The following FGGY variants were observed in gnomAD, a reference collection of about 807,000 sequenced individuals.
The protein encoded by FGGY is FGGY carbohydrate kinase domain-containing protein.
Under a neutral mutation model 71.3 loss-of-function variants are expected in FGGY, and 72 were observed. The ratio of observed to expected loss-of-function variants is 1.01; its 90% confidence interval spans 0.84 to 1.23. The LOEUF (loss-of-function observed/expected upper bound fraction) is 1.23, where lower values mean the gene tolerates loss of function less well. Ranked by LOEUF, FGGY falls within the 50% of genes most tolerant of loss-of-function variation. The pLI is 0.00. For synonymous variants in FGGY, 251 were observed against 250.3 expected (o/e 1.00, Z -0.02); for missense variants, 668 against 682.3 (o/e 0.98, Z 0.23).
chr1:59,673,802 T>G, intron 13 of FGGY: 1 of 446,838 alleles, frequency 2.2e-6, no homozygotes, highest in Non-Finnish European at 4.1e-6. Flanking sequence ...TCTCGTGAGT[T>G]GATATATATG....
At chr1:59,399,290 A>T (rs2061666888) in intron 5 of FGGY, among the ~76,000 whole-genome samples, 1 of 152,222 alleles carries the variant, frequency 6.6e-6, no homozygotes, top group African/African-American at 2.4e-5. Context: ...GTCTTGGGCA[A>T]TAACAGTAAC....
chr1:59,348,382 ATC>A (rs2052552058), intron 4 of FGGY, among the ~76,000 whole-genome samples: 1 of 152,148 alleles, frequency 6.6e-6, no homozygotes, highest in Non-Finnish European at 1.5e-5. Context: ...TGATATGGCA[ATC>A]TCTGGTCAAA....
intron 14 of FGGY, among the ~76,000 whole-genome samples, chr1:59,679,645 G>T (rs1237895449): frequency 6.7e-6 from 1 of 150,112 alleles, no homozygotes; most frequent in Admixed American, 6.6e-5. Flanking sequence ...TTAATATTAT[G>T]GTTTCTATTC....
chr1:59,381,914 A>C (rs958784864), intron 5 of FGGY, among the ~76,000 whole-genome samples: 1 of 152,192 alleles, frequency 6.6e-6, no homozygotes, highest in Non-Finnish European at 1.5e-5. Flanking sequence ...TGTGGCTACT[A>C]TAATTAACAG....
intron 4 of FGGY, 128 bp from the exon 5 acceptor site, chr1:59,378,621 G>A: frequency 2.9e-6 from 2 of 686,170 alleles, no homozygotes; most frequent in Non-Finnish European, 4.9e-6. Context: ...CCCCCACCAA[G>A]CTCCTGAACA....
chr1:59,531,160 T>A (rs1002254348), intron 7 of FGGY, among the ~76,000 whole-genome samples: 1 of 152,190 alleles, frequency 6.6e-6, no homozygotes, highest in Non-Finnish European at 1.5e-5. Flanking sequence ...TCAGGAGGAT[T>A]GAGTGTAAGT....
intron 9 of FGGY, among the ~76,000 whole-genome samples, chr1:59,609,089 C>G (rs2096650849): frequency 6.6e-6 from 1 of 152,146 alleles, no homozygotes; most frequent in South Asian, 2.1e-4. Context: ...AAGGACAAAC[C>G]AGGTAAAGAA....
intron 4 of FGGY, among the ~76,000 whole-genome samples, chr1:59,352,715 T>C (rs1336318583): frequency 1.3e-5 from 2 of 152,176 alleles, no homozygotes; most frequent in African/African-American, 4.8e-5. Context: ...CTGCTGCAGG[T>C]CAGGGAAGCT....
At chr1:59,573,127 A>G (rs1226392788) in intron 8 of FGGY, among the ~76,000 whole-genome samples, 1 of 152,196 alleles carries the variant, frequency 6.6e-6, no homozygotes, top group Non-Finnish European at 1.5e-5. Context: ...AAGAAAAACT[A>G]CAGGAAGATC....
At chr1:59,357,997 CT>C (rs1430410023) in intron 4 of FGGY, among the ~76,000 whole-genome samples, 1 of 152,188 alleles carries the variant, frequency 6.6e-6, no homozygotes, top group Non-Finnish European at 1.5e-5. Flanking sequence ...GAACAAAATT[CT>C]TTTCTCATAG....
At chr1:59,396,568 C>T (rs2061349989) in intron 5 of FGGY, among the ~76,000 whole-genome samples, 1 of 152,092 alleles carries the variant, frequency 6.6e-6, no homozygotes. Context: ...AGTGGGGAAT[C>T]AAAGTTTGAT....
At chr1:59,571,342 C>T (rs1365511006) in intron 8 of FGGY, among the ~76,000 whole-genome samples, 2 of 152,192 alleles carry the variant, frequency 1.3e-5, no homozygotes, top group East Asian at 3.8e-4. Flanking sequence ...TTAGAGCATT[C>T]ACTCTGTGCC....
At chr1:59,705,365 A>G (rs576439751) in intron 14 of FGGY, among the ~76,000 whole-genome samples, 33 of 152,232 alleles carry the variant, frequency 2.2e-4, no homozygotes, top group Non-Finnish European at 4.1e-4. Context: ...AATGTTTTAG[A>G]CTTTTATGTG....
intron 4 of FGGY, among the ~76,000 whole-genome samples, chr1:59,361,797 G>A (rs2055576502): frequency 6.6e-6 from 1 of 152,104 alleles, no homozygotes; most frequent in Admixed American, 6.5e-5. Context: ...GTCCTCACTG[G>A]GCAGACAGAG....
intron 14 of FGGY, among the ~76,000 whole-genome samples, chr1:59,695,193 C>G (rs183164533): frequency 6.6e-6 from 1 of 152,318 alleles, no homozygotes; most frequent in East Asian, 1.9e-4. Flanking sequence ...AGTATATTCT[C>G]TACCCTCTCA....
chr1:59,556,202 G>A (rs1304553450), intron 8 of FGGY, among the ~76,000 whole-genome samples: 1 of 152,134 alleles, frequency 6.6e-6, no homozygotes, highest in Non-Finnish European at 1.5e-5. Flanking sequence ...ATTTAATCCT[G>A]TTTAAATTAT....
At chr1:59,600,575 A>G (rs2153808522) in intron 8 of FGGY, among the ~76,000 whole-genome samples, 1 of 152,332 alleles carries the variant, frequency 6.6e-6, no homozygotes, top group South Asian at 2.1e-4. Context: ...CTGGACCTGC[A>G]CCCAGCTCTT....
chr1:59,398,556 A>G (rs1430515839), intron 5 of FGGY, among the ~76,000 whole-genome samples: 2 of 152,136 alleles, frequency 1.3e-5, no homozygotes, highest in Non-Finnish European at 2.9e-5. Context: ...GTATTTTTAA[A>G]AAGTGTTTTC....
intron 7 of FGGY, among the ~76,000 whole-genome samples, chr1:59,546,292 C>G (rs964021424): frequency 6.6e-6 from 1 of 151,946 alleles, no homozygotes; most frequent in Non-Finnish European, 1.5e-5. Context: ...GACTTGAAAC[C>G]AAGCAGTCGA....
Sources: allele counts gnomAD v4.1 joint callset (sites outside exome capture counted in the v4.1 genomes callset), GRCh38; gene constraint gnomAD v4.1.1; transcripts MANE v1.5; gene names NCBI Gene and HGNC (gene_info 2026-07-23, HGNC 2026-07-21).